ERBB4: variants seen among roughly 807,000 people sequenced by gnomAD.
The protein encoded by ERBB4 is receptor tyrosine-protein kinase erbB-4.
Under a neutral mutation model 158.0 loss-of-function variants are expected in ERBB4, and 42 were observed. The ratio of observed to expected loss-of-function variants is 0.27; its 90% CI spans 0.21 to 0.34. ERBB4 has a LOEUF of 0.34. Among genes scored for constraint, ERBB4 ranks in the 10% least tolerant of loss-of-function variants. The pLI is 1.00. For synonymous variants in ERBB4, 583 were observed against 558.7 expected (o/e 1.04, Z -0.61); for missense variants, 1,333 against 1,624.1 (o/e 0.82, Z 3.08).
At chr2:212,231,362 C>T (rs952273109) in intron 1 of ERBB4, among the ~76,000 whole-genome samples, 1 of 152,110 alleles carries the variant, frequency 6.6e-6, no homozygotes, top group African/African-American at 2.4e-5. Flanking sequence ...GTCTGGACTC[C>T]TGATGGGCTT....
chr2:211,981,251 T>C (rs1048923833), intron 2 of ERBB4, among the ~76,000 whole-genome samples: 2 of 152,126 alleles, frequency 1.3e-5, no homozygotes, highest in African/African-American at 4.8e-5. Context: ...TCTGGTACAC[T>C]GGACCTGCGC....
At chr2:211,657,506 C>A (rs1345840380) in intron 16 of ERBB4, 2 of 440,550 alleles carry the variant, frequency 4.5e-6, no homozygotes, top group East Asian at 4.4e-5. Flanking sequence ...GAGACTCGGT[C>A]TCCAAAAAAA....
intron 1 of ERBB4, among the ~76,000 whole-genome samples, chr2:212,129,019 T>A (rs912073783): frequency 6.6e-6 from 1 of 152,070 alleles, no homozygotes; most frequent in African/African-American, 2.4e-5. Context: ...TGAGAAAAGG[T>A]ATTATTATAT....
chr2:211,822,311 C>T (rs1277104711), intron 3 of ERBB4, among the ~76,000 whole-genome samples: 2 of 151,822 alleles, frequency 1.3e-5, no homozygotes, highest in African/African-American at 4.8e-5. Context: ...GCTCCCTACA[C>T]AAAGAAATGT....
At chr2:211,647,641 A>G (rs1337318131) in intron 16 of ERBB4, among the ~76,000 whole-genome samples, 2 of 151,634 alleles carry the variant, frequency 1.3e-5, no homozygotes, top group East Asian at 3.9e-4. Flanking sequence ...TAAGTATGGT[A>G]TTACATTTTA....
intron 2 of ERBB4, among the ~76,000 whole-genome samples, chr2:211,953,465 CAAAAAAAAAAAAAA>C: frequency 1.2e-5 from 1 of 85,566 alleles, no homozygotes; most frequent in South Asian, 4.2e-4. Context: ...GGTTTTTCTC[CAAAAAAAAAAAAAA>C]AAAAAAAAGA....
chr2:211,910,238 T>C (rs557715368), intron 3 of ERBB4, among the ~76,000 whole-genome samples: 22 of 151,652 alleles, frequency 1.5e-4, no homozygotes, highest in African/African-American at 4.3e-4. Flanking sequence ...ATTTAAATTG[T>C]TCATATTTGC....
chr2:211,953,833 C>T (rs1017606560), intron 2 of ERBB4, among the ~76,000 whole-genome samples: 1 of 151,164 alleles, frequency 6.6e-6, no homozygotes, highest in Non-Finnish European at 1.5e-5. Flanking sequence ...ATTTCCCATA[C>T]CATATTAGCA....
chr2:212,061,257 G>C (rs941753061), intron 2 of ERBB4, among the ~76,000 whole-genome samples: 2 of 151,298 alleles, frequency 1.3e-5, no homozygotes, highest in Admixed American at 1.3e-4. Context: ...AGGAGTTTGA[G>C]ACCTTGCCAA....
chr2:212,124,668 C>A, intron 2 of ERBB4, 84 bp downstream of exon 2: 1 of 1,476,846 alleles, frequency 6.8e-7, no homozygotes, highest in East Asian at 2.3e-5. Flanking sequence ...GCACCCCTTC[C>A]AGGTATCAGC....
At position 211,702,070 on chromosome 2, in the gene ERBB4, G is replaced by T. The variant is rs1423649982; in HGVS notation, c.1386C>A (p.Asp462Glu). Reference sequence around the variant, plus strand: ...TATGATAATAACACAGGTTGCTGTTGTCAGTAATATAGATGTTTCCTGCGC... The same window carrying T: ...TATGATAATAACACAGGTTGCTGTTTTCAGTAATATAGATGTTTCCTGCGC... Reference protein sequence around the residue: ...EISAGNIYITDNSNLCYYHTI... With the variant: ...EISAGNIYITENSNLCYYHTI... Residue 462 changes from aspartate (D) to glutamate (E), a missense_variant, in exon 12 of 28, where the codon GAC becomes GAA. By Grantham distance (45) the Asp-to-Glu change is conservative. Transcript: ENST00000342788. 1.2e-6 allele frequency: 2 copies of T among 1,613,532 alleles called. No individual in the cohort carries two copies. The highest frequency in any genetic ancestry group is 2.2e-5 in the East Asian group (1 of 44,880).
chr2:212,259,967 G>T (rs1455115039), intron 1 of ERBB4, among the ~76,000 whole-genome samples: 2 of 151,920 alleles, frequency 1.3e-5, no homozygotes, highest in Non-Finnish European at 2.9e-5. Flanking sequence ...TACTCAAGAG[G>T]CTGAGGCAGG....
chr2:211,704,607 T>C (rs1328808861), intron 10 of ERBB4, among the ~76,000 whole-genome samples: 2 of 152,232 alleles, frequency 1.3e-5, no homozygotes, highest in South Asian at 4.1e-4. Flanking sequence ...TAAGTCCATG[T>C]CTGATTCATA....
At chr2:211,503,092 G>A (rs975132453) in intron 20 of ERBB4, among the ~76,000 whole-genome samples, 3 of 151,948 alleles carry the variant, frequency 2.0e-5, no homozygotes, top group Non-Finnish European at 4.4e-5. Context: ...AGAAACTCTG[G>A]GACACCACAT....
intron 2 of ERBB4, among the ~76,000 whole-genome samples, chr2:212,068,363 C>CA (rs2078005252): frequency 6.6e-6 from 1 of 151,986 alleles, no homozygotes; most frequent in East Asian, 1.9e-4. Context: ...GTTTTGGACT[C>CA]AGTTTTTGCA....
intron 1 of ERBB4, among the ~76,000 whole-genome samples, chr2:212,363,209 A>G (rs2089758066): frequency 1.3e-5 from 2 of 151,456 alleles, no homozygotes; most frequent in African/African-American, 2.4e-5. Flanking sequence ...CAGACTAAGT[A>G]GCCCATGCAG....
intron 3 of ERBB4, among the ~76,000 whole-genome samples, chr2:211,857,454 C>T (rs1449951590): frequency 6.6e-6 from 1 of 152,084 alleles, no homozygotes. Context: ...AACTATAATA[C>T]ATTTTAAACG....
intron 12 of ERBB4, among the ~76,000 whole-genome samples, chr2:211,687,304 CAA>C (rs34737849): frequency 0.11 from 12,178 of 106,164 alleles, 555 homozygotes; most frequent in Admixed American, 0.17. Context: ...GACTCCGTCT[CAA>C]AAAAAAAAAA....
At chr2:212,022,923 A>G (rs999221320) in intron 2 of ERBB4, among the ~76,000 whole-genome samples, 7 of 152,144 alleles carry the variant, frequency 4.6e-5, no homozygotes, top group African/African-American at 1.4e-4. Flanking sequence ...TAATTACTTT[A>G]TGTGGAAGTA....
Sources: gnomAD v4.1 joint callset for allele counts (sites outside exome capture counted in the v4.1 genomes callset) on GRCh38, gnomAD v4.1.1 for gene constraint, MANE v1.5 for transcripts, NCBI Gene and HGNC (gene_info 2026-07-23, HGNC 2026-07-21) for gene names.